GAPVD1: variants seen among roughly 807,000 people sequenced by gnomAD.
The protein encoded by GAPVD1 is GTPase-activating protein and VPS9 domain-containing protein 1.
A neutral mutation model predicts 155.5 loss-of-function variants in GAPVD1; 35 were observed. The ratio of observed to expected loss-of-function variants is 0.23; its 90% confidence interval spans 0.17 to 0.30. The LOEUF (loss-of-function observed/expected upper bound fraction) is 0.30, where lower values mean the gene tolerates loss of function less well. Ranked by LOEUF, GAPVD1 falls within the 10% of genes least tolerant of loss-of-function variation. The probability of loss-of-function intolerance (pLI) is 1.00; values close to 1 mark genes in which losing one functional copy is unlikely to be tolerated. For synonymous variants in GAPVD1, 636 were observed against 619.7 expected, an observed-to-expected ratio of 1.03 and a Z score of -0.39; for missense variants, 1,429 against 1,775.7, an observed-to-expected ratio of 0.80 and a Z score of 3.51.
chr9:125,298,225 A>G lies in GAPVD1; in HGVS notation c.-32-665A>G, dbSNP rs557148883. On this transcript the variant is annotated intron_variant, in intron 3 of 27. Coordinates refer to ENST00000297933, the MANE Select transcript of GAPVD1 (RefSeq NM_001282680.3). ...TTAAATATATTTTGAAGATAGAATCAACAGGATATTTTGATTGTGATTAGA... is the reference window on the plus strand; with the variant it reads ...TTAAATATATTTTGAAGATAGAATCGACAGGATATTTTGATTGTGATTAGA... Among the ~76,000 whole-genome samples, 7 of 152,312 alleles carry G rather than the reference A, an allele frequency of 4.6e-5. No individual in the cohort carries two copies. The South Asian group carries it at 1.4e-3, about 32-fold the overall frequency.
intron 5 of GAPVD1, among the ~76,000 whole-genome samples, chr9:125,303,649 G>A (rs1158074456): frequency 2.6e-5 from 4 of 151,934 alleles, no homozygotes; most frequent in South Asian, 4.2e-4. Flanking sequence ...GGTGTCACAT[G>A]CCTGTAATCC....
Position 125,360,595 on chromosome 9 carries a change from C to A in GAPVD1, c.4112C>A (p.Thr1371Asn), listed in dbSNP as rs765951148. ...SEIRTISAYK[T>N]PRDKVQCILR... ...ATCAGGACAATAAGTGCTTATAAAA[C>A]CCCCCGGGACAAAGTGCAGTGCATC... Residue 1371 changes from threonine (T) to asparagine (N), a missense_variant, in exon 27 of 28, where the codon ACC becomes AAC. Physicochemically the swap from Thr to Asn is moderately conservative, Grantham distance 65. Around this residue, in one of 4 missense-constraint regions of GAPVD1, gnomAD observed 102 missense variants for 196.5 expected, o/e 0.52. Coordinates refer to ENST00000297933, the MANE Select transcript of GAPVD1 (RefSeq NM_001282680.3). The A allele has an allele frequency of 6.8e-6, 11 of 1,612,280 alleles. No homozygotes were observed. Among genetic ancestry groups the A allele is most frequent in the South Asian group, 1.1e-5 (1 of 91,052 alleles).
intron 2 of GAPVD1, among the ~76,000 whole-genome samples, chr9:125,287,105 A>C (rs1837829248): frequency 6.6e-6 from 1 of 152,160 alleles, no homozygotes; most frequent in South Asian, 2.1e-4. Context: ...TCAGTGTGTC[A>C]GGAGTTCAGA....
intron 3 of GAPVD1, among the ~76,000 whole-genome samples, 194 bp downstream of exon 3, chr9:125,295,768 A>G (rs1356116891): frequency 6.6e-6 from 1 of 152,008 alleles, no homozygotes; most frequent in Non-Finnish European, 1.5e-5. Flanking sequence ...TTGTGTTTGA[A>G]GACTTTAATT....
intron 19 of GAPVD1, 29 bp from the exon 20 acceptor site, chr9:125,346,790 T>G (rs1185974467): frequency 6.3e-7 from 1 of 1,595,660 alleles, no homozygotes; most frequent in Non-Finnish European, 8.6e-7. Flanking sequence ...CCCAAGGGGC[T>G]AATTCTCTCA....
rs117208212 is a variant in GAPVD1, at chr9:125,300,730, A to G, written c.186-1253A>G. Among the ~76,000 whole-genome samples, 464 of 152,150 alleles carry G rather than the reference A, an allele frequency of 3.0e-3. 3 individuals are homozygous for G. Among genetic ancestry groups the G allele is most frequent in the Non-Finnish European group, 4.2e-3 (288 of 68,010 alleles). ...AATCTGAGTGGTGATTACTGGGTGC[A>G]TGTATGTGTAAAAATTGTTCAAGCT... On this transcript the variant is annotated intron_variant, in intron 4 of 27. Transcript: ENST00000297933.
rs997214764 is a variant in GAPVD1 at position 125,360,743 on chromosome 9, A to G, written c.4242+18A>G. ...TGATAAAGGTGGGCCCCTTACTACTATCAGTTAAGGAGTTATGTGGCATTC... is the reference window on the plus strand; with the variant it reads ...TGATAAAGGTGGGCCCCTTACTACTGTCAGTTAAGGAGTTATGTGGCATTC... On this transcript the variant is annotated intron_variant, in intron 27 of 27. Coordinates refer to ENST00000297933, the MANE Select transcript of GAPVD1 (RefSeq NM_001282680.3). 3 of 1,589,316 alleles carry G rather than the reference A, an allele frequency of 1.9e-6. No homozygotes were observed. Among genetic ancestry groups the G allele is most frequent in the South Asian group, 1.1e-5 (1 of 90,512 alleles).
chr9:125,262,512 T>G (rs1466340426), intron 1 of GAPVD1, among the ~76,000 whole-genome samples: 1 of 152,162 alleles, frequency 6.6e-6, no homozygotes, highest in Non-Finnish European at 1.5e-5. Context: ...TAACTTCACC[T>G]TTTATTGACT....
At chr9:125,294,703 T>C (rs1436304676) in intron 2 of GAPVD1, among the ~76,000 whole-genome samples, 1 of 151,740 alleles carries the variant, frequency 6.6e-6, no homozygotes, top group Non-Finnish European at 1.5e-5. Context: ...GAAATGGCTT[T>C]TAATAAACTT....
intron 11 of GAPVD1, among the ~76,000 whole-genome samples, 195 bp from the exon 12 acceptor site, chr9:125,326,221 A>G (rs1272844422): frequency 6.6e-6 from 1 of 152,224 alleles, no homozygotes; most frequent in Non-Finnish European, 1.5e-5. Context: ...TGCTAGATTA[A>G]GAAGTGAATT....
chr9:125,267,768 T>C (rs1173302353), intron 1 of GAPVD1, among the ~76,000 whole-genome samples: 1 of 151,088 alleles, frequency 6.6e-6, no homozygotes, highest in African/African-American at 2.4e-5. Context: ...TTCCTCAGGC[T>C]GGTCTCAAAC....
At chr9:125,300,496 C>CT (rs2130841308) in intron 4 of GAPVD1, among the ~76,000 whole-genome samples, 1 of 151,962 alleles carries the variant, frequency 6.6e-6, no homozygotes, top group African/African-American at 2.4e-5. Context: ...GTTTTTAACT[C>CT]TAAGAATATC....
At chr9:125,346,692 G>C (rs765013305) in intron 19 of GAPVD1, 127 bp from the exon 20 acceptor site, 1 of 788,438 alleles carries the variant, frequency 1.3e-6, no homozygotes, top group South Asian at 1.4e-5. Flanking sequence ...TCTTAACATT[G>C]AGATATGTGC....
chr9:125,268,498 T>G (rs1588506096), intron 1 of GAPVD1, among the ~76,000 whole-genome samples: 1 of 148,504 alleles, frequency 6.7e-6, no homozygotes, highest in Non-Finnish European at 1.5e-5. Flanking sequence ...TAACATTGTT[T>G]TTTTTTTTTT....
intron 2 of GAPVD1, among the ~76,000 whole-genome samples, chr9:125,287,094 AT>A (rs1387555632): frequency 1.3e-5 from 2 of 152,124 alleles, no homozygotes; most frequent in African/African-American, 2.4e-5. Flanking sequence ...CAAAAAAAAA[AT>A]CAGTGTGTCA....
At chr9:125,303,640 G>T (rs1031834789) in intron 5 of GAPVD1, among the ~76,000 whole-genome samples, 1 of 151,992 alleles carries the variant, frequency 6.6e-6, no homozygotes, top group South Asian at 2.1e-4. Context: ...GCCAGGTGTG[G>T]TGTCACATGC....
At chr9:125,281,065 C>A (rs2132142191) in intron 2 of GAPVD1, among the ~76,000 whole-genome samples, 2 of 152,136 alleles carry the variant, frequency 1.3e-5, no homozygotes, top group East Asian at 3.9e-4. Context: ...CATTTGTGAT[C>A]ACAGTGAACT....
intron 2 of GAPVD1, among the ~76,000 whole-genome samples, chr9:125,292,439 C>T (rs1838760261): frequency 1.3e-5 from 2 of 151,270 alleles, no homozygotes; most frequent in South Asian, 2.1e-4. Flanking sequence ...GTCACCCAGG[C>T]TGGAGTGCAG....
Position 125,307,543 on chromosome 9 carries a change from C to G in GAPVD1, c.1247C>G (p.Thr416Ser). Residue 416 changes from threonine (T) to serine (S), a missense_variant, in exon 7 of 28, where the codon ACT becomes AGT. Around this residue, in one of 4 missense-constraint regions of GAPVD1, gnomAD observed 628 missense variants for 733.4 expected, o/e 0.86. Coordinates refer to ENST00000297933, the MANE Select transcript of GAPVD1 (RefSeq NM_001282680.3). ...VVYITYSQLI[T>S]LVNFMKSVMS... ...TATATAACCTACAGTCAGCTTATTACTCTGGTAATGGCTTCATTGTTTAAG... is the reference window on the plus strand; with the variant it reads ...TATATAACCTACAGTCAGCTTATTAGTCTGGTAATGGCTTCATTGTTTAAG... 1.9e-6 allele frequency: 3 copies of G among 1,609,066 alleles called. No individual in the cohort carries two copies. The highest frequency in any genetic ancestry group is 1.1e-5 in the South Asian group (1 of 90,144).
Sources: allele counts gnomAD v4.1 joint callset (sites outside exome capture counted in the v4.1 genomes callset), GRCh38; gene constraint gnomAD v4.1.1; regional missense constraint gnomAD v4.1.1; transcripts MANE v1.5; gene names NCBI Gene and HGNC (gene_info 2026-07-23, HGNC 2026-07-21).